The following GALNTL6 variants were observed in gnomAD, a reference collection of about 807,000 sequenced individuals.
The protein encoded by GALNTL6 is polypeptide N-acetylgalactosaminyltransferase like 6, also known as polypeptide N-acetylgalactosaminyltransferase-like 6.
In GALNTL6, 46 loss-of-function variants were observed where a neutral mutation model predicts 73.7. That is an observed-to-expected ratio of 0.62 (90% CI 0.49 to 0.80). The LOEUF is 0.80. GALNTL6 is among the 30% of genes least tolerant of loss of function. The pLI is 0.00. For missense variants in GALNTL6, 604 were observed against 755.0 expected (o/e 0.80, Z 2.34); for synonymous variants, 259 against 263.7 (o/e 0.98, Z 0.17).
chr4:172,696,236 T>C (rs1179451324), intron 5 of GALNTL6, among the ~76,000 whole-genome samples: 2 of 152,158 alleles, frequency 1.3e-5, no homozygotes. Flanking sequence ...AATTTTTCTA[T>C]TTACACATCA....
intron 5 of GALNTL6, among the ~76,000 whole-genome samples, chr4:172,594,668 T>A (rs1239788584): frequency 6.6e-6 from 1 of 152,186 alleles, no homozygotes; most frequent in African/African-American, 2.4e-5. Context: ...TAGTATATCC[T>A]CTTACATATT....
At chr4:172,004,414 G>T (rs189062947) in intron 2 of GALNTL6, among the ~76,000 whole-genome samples, 67 of 150,624 alleles carry the variant, frequency 4.4e-4, no homozygotes, top group South Asian at 1.3e-3. Flanking sequence ...GTTAATGGTG[G>T]TTTTTTTTTC....
intron 5 of GALNTL6, among the ~76,000 whole-genome samples, chr4:172,537,866 G>A (rs1162758491): frequency 2.6e-5 from 4 of 152,112 alleles, no homozygotes; most frequent in South Asian, 2.1e-4. Context: ...AGGCATAAGC[G>A]ATAAAGTGCC....
chr4:171,844,812 C>A (rs967620551), intron 2 of GALNTL6, among the ~76,000 whole-genome samples: 1 of 152,122 alleles, frequency 6.6e-6, no homozygotes, highest in Non-Finnish European at 1.5e-5. Flanking sequence ...GTAAAGATAA[C>A]AAGCAATTTA....
At chr4:172,476,163 A>C (rs1047160873) in intron 5 of GALNTL6, among the ~76,000 whole-genome samples, 2 of 152,232 alleles carry the variant, frequency 1.3e-5, no homozygotes, top group African/African-American at 4.8e-5. Context: ...ACTTATGAAC[A>C]AAATAAATGT....
At chr4:172,404,475 C>G (rs539848860) in intron 5 of GALNTL6, among the ~76,000 whole-genome samples, 78 of 152,118 alleles carry the variant, frequency 5.1e-4, no homozygotes, top group Non-Finnish European at 9.4e-4. Context: ...TAATTTCGTT[C>G]AAAAATAAAT....
chr4:172,304,367 G>A (rs1740048512), intron 3 of GALNTL6, among the ~76,000 whole-genome samples: 1 of 151,730 alleles, frequency 6.6e-6, no homozygotes, highest in African/African-American at 2.4e-5. Context: ...CATCCCAATG[G>A]GAACATTAGT....
chr4:172,279,848 T>C (rs1223065653), intron 3 of GALNTL6, among the ~76,000 whole-genome samples: 2 of 152,090 alleles, frequency 1.3e-5, no homozygotes, highest in Admixed American at 6.5e-5. Flanking sequence ...AAAGGATAAA[T>C]GTATTAAAAA....
chr4:172,125,814 T>G (rs965385765), intron 2 of GALNTL6, among the ~76,000 whole-genome samples: 1 of 152,104 alleles, frequency 6.6e-6, no homozygotes, highest in African/African-American at 2.4e-5. Context: ...TATGTCTTTG[T>G]TCTACTAACT....
intron 3 of GALNTL6, among the ~76,000 whole-genome samples, chr4:172,278,906 A>G (rs920471583): frequency 1.2e-4 from 18 of 152,168 alleles, no homozygotes; most frequent in African/African-American, 4.1e-4. Flanking sequence ...GTCCAGAAAT[A>G]CACTATCACA....
At chr4:172,789,026 C>T (rs1158755914) in intron 5 of GALNTL6, among the ~76,000 whole-genome samples, 4 of 152,076 alleles carry the variant, frequency 2.6e-5, no homozygotes, top group Non-Finnish European at 5.9e-5. Context: ...ACATCTGTGA[C>T]GAAATGTGGG....
chr4:172,224,214 A>T (rs1275428651), intron 2 of GALNTL6, among the ~76,000 whole-genome samples: 1 of 152,186 alleles, frequency 6.6e-6, no homozygotes, highest in Non-Finnish European at 1.5e-5. Context: ...TTTACTACTC[A>T]AAAAGCCTTG....
At chr4:171,820,725 A>G (rs188132720) in intron 2 of GALNTL6, among the ~76,000 whole-genome samples, 2 of 152,274 alleles carry the variant, frequency 1.3e-5, no homozygotes, top group East Asian at 3.9e-4. Flanking sequence ...GTCTGTTAGT[A>G]TGGCACAGAT....
intron 5 of GALNTL6, among the ~76,000 whole-genome samples, chr4:172,461,563 G>T (rs1265739661): frequency 6.6e-6 from 1 of 152,158 alleles, no homozygotes; most frequent in Non-Finnish European, 1.5e-5. Context: ...CAGGGGAACA[G>T]TGTTTCACTC....
At chr4:173,032,265 C>A (rs111389987) in intron 12 of GALNTL6, among the ~76,000 whole-genome samples, 17,746 of 152,066 alleles carry the variant, frequency 0.12, 1,318 homozygotes, top group Non-Finnish European at 0.18. Flanking sequence ...CTGGCTAACA[C>A]GGTGAAACCC....
chr4:172,913,003 C>G (rs1386024035), intron 8 of GALNTL6, among the ~76,000 whole-genome samples: 1 of 152,152 alleles, frequency 6.6e-6, no homozygotes. Context: ...CCGGGTAACC[C>G]TGTGAGACAA....
chr4:172,702,515 T>G (rs1392655783), intron 5 of GALNTL6, among the ~76,000 whole-genome samples: 1 of 150,404 alleles, frequency 6.6e-6, no homozygotes, highest in African/African-American at 2.4e-5. Flanking sequence ...CCCCTCAAAA[T>G]TTTTATATTG....
intron 5 of GALNTL6, among the ~76,000 whole-genome samples, chr4:172,528,964 T>TATATAC (rs70944412): frequency 6.7e-5 from 2 of 29,854 alleles, no homozygotes; most frequent in African/African-American, 1.5e-4. Context: ...TATATATATA[T>TATATAC]GTGTGTGTAT....
intron 3 of GALNTL6, among the ~76,000 whole-genome samples, chr4:172,296,251 C>T (rs1739667985): frequency 6.6e-6 from 1 of 152,090 alleles, no homozygotes; most frequent in South Asian, 2.1e-4. Context: ...TATTCTGTTA[C>T]TGTGGTGAAC....
Sources: allele counts gnomAD v4.1 joint callset (sites outside exome capture counted in the v4.1 genomes callset), GRCh38; gene constraint gnomAD v4.1.1; transcripts MANE v1.5; gene names NCBI Gene and HGNC (gene_info 2026-07-23, HGNC 2026-07-21).